PRPF8: variants seen among roughly 807,000 people sequenced by gnomAD.
The protein encoded by PRPF8 is pre-mRNA-processing-splicing factor 8.
A neutral mutation model predicts 285.9 loss-of-function variants in PRPF8; 64 were observed. The observed-to-expected ratio is 0.22, with a 90% confidence interval of 0.18 to 0.28. PRPF8 has a LOEUF of 0.28. Ranked by LOEUF, PRPF8 falls within the 10% of genes least tolerant of loss-of-function variation. PRPF8 has a pLI of 1.00. For missense variants in PRPF8, 1,426 were observed against 3,026.7 expected, an observed-to-expected ratio of 0.47 and a Z score of 12.41; for synonymous variants, 1,325 against 1,118.2, an observed-to-expected ratio of 1.18 and a Z score of -3.69.
chr17:1,673,485 C>A lies in PRPF8; in HGVS notation c.3529G>T (p.Val1177Leu), dbSNP rs1416209822. ...TVQWENSFVSVYSKDNPNLLF... is the reference protein window; with the variant it reads ...TVQWENSFVSLYSKDNPNLLF... Reference sequence around the variant, plus strand: ...AGGTTGGGGTTGTCCTTACTGTACACAGACACGAAGCTGTTCTCCCACTGA... The same window carrying A: ...AGGTTGGGGTTGTCCTTACTGTACAAAGACACGAAGCTGTTCTCCCACTGA... The change falls in exon 23 of 43, where the codon GTG becomes TTG. Residue 1177 changes from valine to leucine, a missense_variant. Val to Leu is a conservative substitution (Grantham distance 32, BLOSUM62 1). This residue lies in a region of PRPF8 where 148 missense variants were observed against 196.2 expected (regional missense o/e 0.75). Coordinates refer to ENST00000304992, the MANE Select transcript of PRPF8 (RefSeq NM_006445.4). This position sits in a 1 kb window ranked among gnomAD's most constrained non-coding sequence, Gnocchi z 5.5. 5 of 1,614,090 alleles carry A rather than the reference C, an allele frequency of 3.1e-6. No homozygotes were observed. The Admixed American group carries it at 6.7e-5, about 22-fold the overall frequency.
intron 24 of PRPF8, among the ~76,000 whole-genome samples, chr17:1,668,389 T>C (rs1053683271): frequency 2.2e-5 from 3 of 136,418 alleles, no homozygotes; most frequent in Non-Finnish European, 4.6e-5. Context: ...TGAGACAGAG[T>C]CTTGCTCTGT....
In PRPF8 at chr17:1,675,439, A is replaced by C. The variant is rs1597244923; in HGVS notation, c.2873-100T>G. The stretch of plus-strand genomic sequence containing the variant: ...ACCTTCCATAACCAATCCCACTATG[A>C]TTCCACGTATTCATTTGGATTGCTT... On this transcript the variant is annotated intron_variant, in intron 19 of 42. Transcript: ENST00000304992. This position sits in a 1 kb window ranked among gnomAD's most constrained non-coding sequence, Gnocchi z 6.0. 2 of 1,472,688 alleles carry C rather than the reference A, an allele frequency of 1.4e-6. No homozygotes were observed. The highest frequency in any genetic ancestry group is 4.5e-5 in the East Asian group (2 of 44,222). 91.2% of individuals were successfully genotyped at this position (1,472,688 alleles called of 1,614,324 possible).
chr17:1,683,938 GTGCAAT>G (rs1913084138), intron 2 of PRPF8, among the ~76,000 whole-genome samples: 1 of 150,440 alleles, frequency 6.6e-6, no homozygotes. Context: ...CCAGGCTGGA[GTGCAAT>G]GGTGCGATGT....
chr17:1,674,916 C>T (rs1415437481), intron 20 of PRPF8, among the ~76,000 whole-genome samples: 1 of 152,116 alleles, frequency 6.6e-6, no homozygotes, highest in Non-Finnish European at 1.5e-5. Context: ...GGATTACAGG[C>T]GCCCACCACC....
At chr17:1,654,109 G>A (rs1027006649) in intron 37 of PRPF8, 93 bp from the exon 38 acceptor site, 2 of 1,582,878 alleles carry the variant, frequency 1.3e-6, no homozygotes, top group Admixed American at 1.7e-5. Flanking sequence ...GGACAGGACA[G>A]CCTATACTCA....
rs200044573 is a variant in PRPF8, at chr17:1,680,677, C to T, written c.1098+49G>A. On this transcript the variant is annotated intron_variant, in intron 8 of 42. Transcript: ENST00000304992. ...CGTTTAGTAACATCAGCCAACCTCACGCATTTCTCCTAGAAGAGCTGAGGG... is the reference window on the plus strand; with the variant it reads ...CGTTTAGTAACATCAGCCAACCTCATGCATTTCTCCTAGAAGAGCTGAGGG... 1,214 of 1,530,712 alleles carry T rather than the reference C, an allele frequency of 7.9e-4. 1 individual carries two copies. Among genetic ancestry groups the T allele is most frequent in the Non-Finnish European group, 8.9e-4 (979 of 1,104,656 alleles). 94.8% of individuals were successfully genotyped at this position (1,530,712 alleles called of 1,614,324 possible).
chr17:1,655,429 T>C lies in PRPF8; in HGVS notation c.5908A>G (p.Thr1970Ala). Reference sequence around the variant, plus strand: ...TTGATCCATTCTTCGTCAGTCAGAGTGGGCCAGATGTGGTGTGGTTCTGTA... The same window carrying C: ...TTGATCCATTCTTCGTCAGTCAGAGCGGGCCAGATGTGGTGTGGTTCTGTA... ...TITEPHHIWP[T>A]LTDEEWIKVE... is the part of the protein sequence containing the mutation. Residue 1970 changes from threonine (T) to alanine (A), a missense_variant, in exon 37 of 43, where the codon ACT becomes GCT. Around this residue, in one of 34 missense-constraint regions of PRPF8, gnomAD observed 35 missense variants for 47.7 expected, o/e 0.73. Transcript: ENST00000304992. The C allele has an allele frequency of 1.2e-6, 2 of 1,613,984 alleles. No homozygotes were observed. The highest frequency in any genetic ancestry group is 1.7e-6 in the Non-Finnish European group (2 of 1,179,998).
At position 1,673,202 on chromosome 17, in the gene PRPF8, A is replaced by G. The variant is rs2151125668; in HGVS notation, c.3658-5T>C. ...AGCTGTGCGCTCCTTAGTAACCTAAACCACAAAGTCAAGGTTAACATGTCC... is the reference window on the plus strand; with the variant it reads ...AGCTGTGCGCTCCTTAGTAACCTAAGCCACAAAGTCAAGGTTAACATGTCC... On this transcript the variant is annotated splice_region_variant and splice_polypyrimidine_tract_variant and intron_variant, in intron 23 of 42. Transcript: ENST00000304992. The surrounding 1 kb of genome is among the most constrained non-coding windows in gnomAD (Gnocchi z 5.5). 3.7e-6 allele frequency: 6 copies of G among 1,614,086 alleles called. No individual in the cohort carries two copies. The East Asian group carries it at 1.1e-4, about 30-fold the overall frequency.
chr17:1,659,802 G>A lies in PRPF8; in HGVS notation c.4946+39C>T. The A allele has an allele frequency of 6.2e-7, 1 of 1,607,720 alleles. No homozygotes were observed. Among genetic ancestry groups the A allele is most frequent in the Non-Finnish European group, 8.5e-7 (1 of 1,174,896 alleles). ...GGGCTAGAAGAACAGGAAAACGAAA[G>A]TGTCCTGGCTGCCTAGGGCTGGGTC... On this transcript the variant is annotated intron_variant, in intron 31 of 42. Transcript: ENST00000304992. This position sits in a 1 kb window ranked among gnomAD's most constrained non-coding sequence, Gnocchi z 5.1.
chr17:1,660,676 C>A (rs757202353), intron 29 of PRPF8, 22 bp downstream of exon 29: 3 of 1,614,114 alleles, frequency 1.9e-6, no homozygotes, highest in East Asian at 4.5e-5. Context: ...AGCTTCCCCT[C>A]TCCAGTGTCA....
chr17:1,680,401 T>C (rs1209979158), intron 8 of PRPF8: 1 of 436,666 alleles, frequency 2.3e-6, no homozygotes, highest in African/African-American at 2.0e-5. Context: ...TTACACACTT[T>C]AAATGGATAA....
chr17:1,659,057 A>C lies in PRPF8; in HGVS notation c.5139-294T>G. The C allele has an allele frequency of 1.9e-6, 1 of 540,030 alleles. No homozygotes were observed. The highest frequency in any genetic ancestry group is 3.4e-5 in the Admixed American group (1 of 29,358). 33.5% of individuals were successfully genotyped at this position (540,030 alleles called of 1,614,324 possible). On this transcript the variant is annotated intron_variant, in intron 32 of 42. Transcript: ENST00000304992. This position sits in a 1 kb window ranked among gnomAD's most constrained non-coding sequence, Gnocchi z 5.1. ...TTATTTTTCTTTGAGATGGAGTCTC[A>C]CTCTGTCGCCCAGGCTGGAGTGCAG...
At position 1,673,838 on chromosome 17, in the gene PRPF8, AG is replaced by A. The variant is rs1912459271; in HGVS notation, c.3353del (p.Pro1118LeufsTer26). The A allele has an allele frequency of 6.2e-7, 1 of 1,613,976 alleles. No individual in the cohort carries two copies. Among genetic ancestry groups the A allele is most frequent in the Non-Finnish European group, 8.5e-7 (1 of 1,180,032 alleles). On this transcript the variant is annotated frameshift_variant, in exon 22 of 43. Coordinates refer to ENST00000304992, the MANE Select transcript of PRPF8 (RefSeq NM_006445.4). LOFTEE classifies it high-confidence loss of function. This position sits in a 1 kb window ranked among gnomAD's most constrained non-coding sequence, Gnocchi z 5.5. ...DLIQRYLTEH[P>X]DPNNENIVGY... is the part of the protein sequence containing the mutation. ...CAACGATGTTTTCATTATTGGGGTC[AG>A]GGTGCTCTGTCAGGTAACGTTGAAT... is the stretch of plus-strand genomic sequence containing the variant.
chr17:1,676,275 G>A lies in PRPF8; in HGVS notation c.2484C>T (p.Pro828=), dbSNP rs562497060. ...TGGTGTCATGCTTATAGGAGAGTGGGGGGAATGGGATGGGTGAAAACCTGC... is the reference window on the plus strand; with the variant it reads ...TGGTGTCATGCTTATAGGAGAGTGGAGGGAATGGGATGGGTGAAAACCTGC... ...ESRRFSPIPF[P]PLSYKHDTKL... is the part of the protein sequence containing the mutation. Residue 828 remains proline, a synonymous_variant, in exon 17 of 43, where the codon CCC becomes CCT. Coordinates refer to ENST00000304992, the MANE Select transcript of PRPF8 (RefSeq NM_006445.4). The surrounding 1 kb of genome is among the most constrained non-coding windows in gnomAD (Gnocchi z 6.3). The A allele has an allele frequency of 1.1e-5, 18 of 1,614,078 alleles. No homozygotes were observed. In the East Asian group the frequency reaches 3.6e-4, roughly 32 times the overall value.
intron 8 of PRPF8, 62 bp downstream of exon 8, chr17:1,680,664 T>A (rs1418955486): frequency 6.8e-7 from 1 of 1,474,478 alleles, no homozygotes; most frequent in African/African-American, 1.4e-5. Context: ...TTTAGTAACA[T>A]CAGCCAACCT....
chr17:1,680,720 C>A lies in PRPF8; in HGVS notation c.1098+6G>T, dbSNP rs1418244549. 2 of 1,607,696 alleles carry A rather than the reference C, an allele frequency of 1.2e-6. No homozygotes were observed. The highest frequency in any genetic ancestry group is 4.5e-5 in the East Asian group (2 of 44,876). Reference sequence around the variant, plus strand: ...GCTGAGGGAAAGCATCCCTTCCCTTCCTCACCTTGACTGAGTGCCTATGGG... The same window carrying A: ...GCTGAGGGAAAGCATCCCTTCCCTTACTCACCTTGACTGAGTGCCTATGGG... On this transcript the variant is annotated splice_donor_region_variant and intron_variant, in intron 8 of 42. Transcript: ENST00000304992.
chr17:1,663,074 G>A (rs1911761547), intron 24 of PRPF8, among the ~76,000 whole-genome samples: 1 of 152,100 alleles, frequency 6.6e-6, no homozygotes, highest in South Asian at 2.1e-4. Context: ...GAGTGGGAGT[G>A]GAACTTAAAG....
rs1336504009 is a variant in PRPF8 at position 1,650,975 on chromosome 17, A to G, written c.6854-19T>C. On this transcript the variant is annotated intron_variant, in intron 42 of 42. Coordinates refer to ENST00000304992, the MANE Select transcript of PRPF8 (RefSeq NM_006445.4). ...CGAACACCTTCGGGGAGAAGGAAAC[A>G]GCCAATGTTAACAGGGCTCCTGCCT... 6.2e-7 allele frequency: 1 copy of G among 1,614,166 alleles called. No individual in the cohort carries two copies. The highest frequency in any genetic ancestry group is 8.5e-7 in the Non-Finnish European group (1 of 1,180,034).
In PRPF8 at chr17:1,653,947, C is replaced by T. The variant is rs752420082; in HGVS notation, c.6057G>A (p.Pro2019=). Residue 2019 remains proline (P), a synonymous_variant, in exon 38 of 43, where the codon CCG becomes CCA. Transcript: ENST00000304992. The surrounding 1 kb of genome is among the most constrained non-coding windows in gnomAD (Gnocchi z 4.9). ...CAGCGATCTGCTGCCGCTGCTGTGA[C>T]GGTGCCGAGATCTCCATACCCAGGA... ...DIILGMEISA[P]SQQRQQIAEI... 6.1e-5 allele frequency: 98 copies of T among 1,613,556 alleles called. No individual in the cohort carries two copies. Among genetic ancestry groups the T allele is most frequent in the Middle Eastern group, 3.3e-4 (2 of 6,084 alleles).
Sources: gnomAD v4.1 joint callset for allele counts (sites outside exome capture counted in the v4.1 genomes callset) on GRCh38, gnomAD v4.1.1 for gene constraint, gnomAD v4.1.1 regional missense constraint, Gnocchi (gnomAD v3.1) non-coding constraint, MANE v1.5 for transcripts, NCBI Gene and HGNC (gene_info 2026-07-23, HGNC 2026-07-21) for gene names.